Variants in MEX3D observed in about 807,000 individuals in gnomAD.
MEX3D encodes mex-3 RNA binding family member D.
A neutral mutation model predicts 6.3 loss-of-function variants in MEX3D; 4 were observed. The ratio of observed to expected loss-of-function variants is 0.64; its 90% CI spans 0.31 to 1.46. The LOEUF is 1.46. MEX3D is among the 40% of genes most tolerant of loss of function. MEX3D has a pLI of 0.07. For synonymous variants in MEX3D, 626 were observed against 494.1 expected (o/e 1.27, Z -3.54); for missense variants, 1,038 against 994.4 (o/e 1.04, Z -0.59).
chr19:1,558,523 G>A (rs535481460), intron 1 of MEX3D, among the ~76,000 whole-genome samples: 1 of 152,040 alleles, frequency 6.6e-6, no homozygotes, highest in African/African-American at 2.4e-5. Context: ...CCTTGACTTG[G>A]AACTTTTATC....
intron 1 of MEX3D, among the ~76,000 whole-genome samples, chr19:1,561,785 A>G (rs947317988): frequency 1.3e-5 from 2 of 151,984 alleles, no homozygotes; most frequent in African/African-American, 4.8e-5. Context: ...CTGGGACTAC[A>G]GTTATGCACC....
Position 1,567,418 on chromosome 19 carries a change from G to T in MEX3D, c.595+46C>A, listed in dbSNP as rs367556410. 2.0e-5 allele frequency: 30 copies of T among 1,513,578 alleles called. No individual in the cohort carries two copies. Among genetic ancestry groups the T allele is most frequent in the Non-Finnish European group, 2.6e-5 (30 of 1,135,398 alleles). The allele number at this position is 1,513,578 out of a possible 1,614,324, so 93.8% of individuals were successfully genotyped here. On this transcript the variant is annotated intron_variant, in intron 1 of 1. Coordinates refer to ENST00000402693, the MANE Select transcript of MEX3D (RefSeq NM_203304.4). This position sits in a 1 kb window ranked among gnomAD's most constrained non-coding sequence, Gnocchi z 6.5. ...GGCGACCCCCTTCCCCGGGGCGGAC[G>T]GTGCGGGGACCCCCAGGACAGCAAC...
At position 1,556,354 on chromosome 19, in the gene MEX3D, C is replaced by A. The variant is rs764240676; in HGVS notation, c.1165G>T (p.Gly389Cys). Residue 389 changes from glycine (G) to cysteine (C), a missense_variant, in exon 2 of 2, where the codon GGC becomes TGC. Physicochemically the swap from Gly to Cys is radical, Grantham distance 159. Transcript: ENST00000402693. This position sits in a 1 kb window ranked among gnomAD's most constrained non-coding sequence, Gnocchi z 7.5. ...CCCAGGGCCGTGTCCCCGCGGAGGC[C>A]GGCCGTGGCCGTGGGGGGCCGTCGT... ...QGRRPPTATA[G>C]LRGDTALGAP... 1.2e-5 allele frequency: 18 copies of A among 1,441,376 alleles called. No individual in the cohort carries two copies. Among genetic ancestry groups the A allele is most frequent in the Non-Finnish European group, 1.5e-5 (17 of 1,107,614 alleles). 89.3% of individuals were successfully genotyped at this position (1,441,376 alleles called of 1,614,324 possible).
At chr19:1,561,477 G>C (rs1372352026) in intron 1 of MEX3D, among the ~76,000 whole-genome samples, 2 of 152,200 alleles carry the variant, frequency 1.3e-5, no homozygotes, top group African/African-American at 4.8e-5. Context: ...GGAAGCCAGC[G>C]GGAGCTGAGG....
At position 1,567,905 on chromosome 19, in the gene MEX3D, G is replaced by A. The variant is rs1335837560; in HGVS notation, c.154C>T (p.Pro52Ser). 10 of 980,228 alleles carry A rather than the reference G, an allele frequency of 1.0e-5. No individual in the cohort carries two copies. Among genetic ancestry groups the A allele is most frequent in the East Asian group, 1.2e-4 (1 of 8,640 alleles). The allele number at this position is 980,228 out of a possible 1,614,324, so 60.7% of individuals were successfully genotyped here. A position where few individuals can be genotyped will look rare whatever the true frequency, so the allele number is the denominator to read the frequency against. ...AAPAPRPPPE[P>S]DDAAAALRLA... ...CGGAGCGCGGCGGCCGCGTCGTCGG[G>A]TTCGGGCGGCGGCCGGGGCGCGGGC... The change falls in exon 1 of 2, where the codon CCC (proline) becomes TCC (serine). Residue 52 changes from proline to serine, a missense_variant. By Grantham distance (74) the Pro-to-Ser change is moderately conservative. Around this residue, in one of 5 missense-constraint regions of MEX3D, gnomAD observed 265 missense variants for 206.3 expected, o/e 1.28. Coordinates refer to ENST00000402693, the MANE Select transcript of MEX3D (RefSeq NM_203304.4). This position sits in a 1 kb window ranked among gnomAD's most constrained non-coding sequence, Gnocchi z 6.5.
intron 1 of MEX3D, among the ~76,000 whole-genome samples, chr19:1,562,689 C>A (rs560034972): frequency 1.3e-5 from 2 of 151,962 alleles, no homozygotes; most frequent in South Asian, 4.2e-4. Flanking sequence ...CAGAACCAGA[C>A]CCTGTCTCAA....
Position 1,555,422 on chromosome 19 carries a change from CTG to C in MEX3D, c.*139_*140del, listed in dbSNP as rs1568262943. On this transcript the variant is annotated 3_prime_UTR_variant, in exon 2 of 2. Coordinates refer to ENST00000402693, the MANE Select transcript of MEX3D (RefSeq NM_203304.4). ...GGCAGTTAAAGCTCATCTGTAAACA[CTG>C]GCCGCCGCCCACCCCCCTGCCCCCT... 6.3e-7 allele frequency: 1 copy of C among 1,582,542 alleles called. No individual in the cohort carries two copies. Among genetic ancestry groups the C allele is most frequent in the Non-Finnish European group, 8.6e-7 (1 of 1,166,722 alleles).
intron 1 of MEX3D, among the ~76,000 whole-genome samples, chr19:1,565,825 G>C (rs1444217114): frequency 1.3e-5 from 2 of 152,182 alleles, no homozygotes; most frequent in Admixed American, 6.5e-5. Flanking sequence ...CCTGCCCCTA[G>C]AGAATTCCCA....
At position 1,554,690 on chromosome 19, in the gene MEX3D, C is replaced by T. The variant is rs917319321; in HGVS notation, c.*873G>A. 1 of 152,384 alleles carries T rather than the reference C, an allele frequency of 6.6e-6. No homozygotes were observed. Among genetic ancestry groups the T allele is most frequent in the Non-Finnish European group, 1.5e-5 (1 of 68,036 alleles). The allele number at this position is 152,384 out of a possible 1,614,324, so 9.4% of individuals were successfully genotyped here. A position where few individuals can be genotyped will look rare whatever the true frequency, so the allele number is the denominator to read the frequency against. ...CGTGTGCTCACATGTAGAAAAGAGG[C>T]TTTATTAAGAAGGCTTTGAAGTCAA... On this transcript the variant is annotated 3_prime_UTR_variant, in exon 2 of 2. Transcript: ENST00000402693.
At position 1,556,392 on chromosome 19, in the gene MEX3D, G is replaced by A. The variant is rs778810157; in HGVS notation, c.1127C>T (p.Thr376Ile). 1.6e-4 allele frequency: 246 copies of A among 1,557,942 alleles called. No homozygotes were observed. The highest frequency in any genetic ancestry group is 2.0e-4 in the Non-Finnish European group (233 of 1,159,442). Residue 376 changes from threonine to isoleucine, a missense_variant, in exon 2 of 2, where the codon ACC becomes ATC. Around this residue, in one of 5 missense-constraint regions of MEX3D, gnomAD observed 581 missense variants for 516.2 expected, o/e 1.13. Coordinates refer to ENST00000402693, the MANE Select transcript of MEX3D (RefSeq NM_203304.4). The surrounding 1 kb of genome is among the most constrained non-coding windows in gnomAD (Gnocchi z 7.5). Reference sequence around the variant, plus strand: ...GGGGGGCCGTCGTCCCTGGTTGGGGGTCTTGGCCCAGAGGCTGGCGGCCGC... The same window carrying A: ...GGGGGGCCGTCGTCCCTGGTTGGGGATCTTGGCCCAGAGGCTGGCGGCCGC... ...LGAAASLWAK[T>I]PNQGRRPPTA...
At chr19:1,557,638 A>G (rs997651073) in intron 1 of MEX3D, among the ~76,000 whole-genome samples, 9 of 149,246 alleles carry the variant, frequency 6.0e-5, no homozygotes, top group African/African-American at 2.2e-4. Context: ...AGTTGGGTGG[A>G]TCACGAGGTC....
In MEX3D at chr19:1,555,373, G is replaced by A. The variant is rs1196159638; in HGVS notation, c.*190C>T. The A allele has an allele frequency of 1.2e-6, 2 of 1,600,118 alleles. No homozygotes were observed. Among genetic ancestry groups the A allele is most frequent in the Non-Finnish European group, 1.7e-6 (2 of 1,172,634 alleles). ...GGGCTGAGGCGCCGCCGGGCTGCGG[G>A]GTCTCCGTCTCCACGCCTGAGGCGG... On this transcript the variant is annotated 3_prime_UTR_variant, in exon 2 of 2. Coordinates refer to ENST00000402693, the MANE Select transcript of MEX3D (RefSeq NM_203304.4).
Position 1,556,320 on chromosome 19 carries a change from C to G in MEX3D, c.1199G>C (p.Ser400Thr), listed in dbSNP as rs1333837486. 2.3e-6 allele frequency: 3 copies of G among 1,331,676 alleles called. No individual in the cohort carries two copies. The highest frequency in any genetic ancestry group is 2.9e-6 in the Non-Finnish European group (3 of 1,046,776). 82.5% of individuals were successfully genotyped at this position (1,331,676 alleles called of 1,614,324 possible). The change falls in exon 2 of 2, where the codon AGC becomes ACC. Residue 400 changes from serine (S) to threonine (T), a missense_variant. Ser to Thr is a moderately conservative substitution (Grantham distance 58). This residue lies in a region of MEX3D where 581 missense variants were observed against 516.2 expected (regional missense o/e 1.13). Coordinates refer to ENST00000402693, the MANE Select transcript of MEX3D (RefSeq NM_203304.4). The surrounding 1 kb of genome is among the most constrained non-coding windows in gnomAD (Gnocchi z 7.5). ...GCCCGCGTAGAAGGCCTCGGGGGCGCTGGGGGCGCCCAGGGCCGTGTCCCC... is the reference window on the plus strand; with the variant it reads ...GCCCGCGTAGAAGGCCTCGGGGGCGGTGGGGGCGCCCAGGGCCGTGTCCCC... ...LRGDTALGAP[S>T]APEAFYAGSR...
In MEX3D at chr19:1,554,698, A is replaced by G. The variant is rs1914461101; in HGVS notation, c.*865T>C. On this transcript the variant is annotated 3_prime_UTR_variant, in exon 2 of 2. Transcript: ENST00000402693. ...CACATGTAGAAAAGAGGCTTTATTAAGAAGGCTTTGAAGTCAAAAAATAAA... is the reference window on the plus strand; with the variant it reads ...CACATGTAGAAAAGAGGCTTTATTAGGAAGGCTTTGAAGTCAAAAAATAAA... 6.6e-6 allele frequency: 1 copy of G among 152,444 alleles called. No individual in the cohort carries two copies. The highest frequency in any genetic ancestry group is 2.4e-5 in the African/African-American group (1 of 41,462). The allele number at this position is 152,444 out of a possible 1,614,324, so 9.4% of individuals were successfully genotyped here. A position where few individuals can be genotyped will look rare whatever the true frequency, so the allele number is the denominator to read the frequency against.
chr19:1,556,545 T>G lies in MEX3D; in HGVS notation c.974A>C (p.Glu325Ala). ...EPVFAVTGMP[E>A]NVDRAREEIE... Reference sequence around the variant, plus strand: ...CTCCTCGCGCGCGCGGTCCACGTTCTCGGGCATCCCAGTGACCGCGAACAC... The same window carrying G: ...CTCCTCGCGCGCGCGGTCCACGTTCGCGGGCATCCCAGTGACCGCGAACAC... Residue 325 changes from glutamate (E) to alanine (A), a missense_variant, in exon 2 of 2, where the codon GAG becomes GCG. Physicochemically the swap from Glu to Ala is moderately radical, Grantham distance 107. Transcript: ENST00000402693. This position sits in a 1 kb window ranked among gnomAD's most constrained non-coding sequence, Gnocchi z 7.5. The G allele has an allele frequency of 6.2e-7, 1 of 1,607,886 alleles. No individual in the cohort carries two copies. Among genetic ancestry groups the G allele is most frequent in the East Asian group, 2.2e-5 (1 of 44,730 alleles).
intron 1 of MEX3D, among the ~76,000 whole-genome samples, chr19:1,560,289 A>C (rs1210912370): frequency 1.3e-5 from 2 of 152,204 alleles, no homozygotes; most frequent in Non-Finnish European, 2.9e-5. Context: ...GAGGAAGGGA[A>C]ACTGAGGCAC....
Position 1,555,279 on chromosome 19 carries a change from TA to T in MEX3D, c.*283del. 5.9e-6 allele frequency: 9 copies of T among 1,536,516 alleles called. No homozygotes were observed. Among genetic ancestry groups the T allele is most frequent in the Admixed American group, 3.6e-5 (2 of 55,248 alleles). On this transcript the variant is annotated 3_prime_UTR_variant, in exon 2 of 2. Transcript: ENST00000402693. ...GAGGGGTGTCTAAAAATAAGAAAAC[TA>T]AAAAAAGTGCAAGCGGACCTTTTCT...
chr19:1,557,014 G>A, intron 1 of MEX3D, 91 bp from the exon 2 acceptor site: 4 of 1,442,366 alleles, frequency 2.8e-6, no homozygotes, highest in Non-Finnish European at 3.7e-6. Flanking sequence ...GCCAGTGAGG[G>A]AGCCCCTACC....
At chr19:1,560,902 C>T (rs1303586309) in intron 1 of MEX3D, among the ~76,000 whole-genome samples, 1 of 152,202 alleles carries the variant, frequency 6.6e-6, no homozygotes, top group Non-Finnish European at 1.5e-5. Flanking sequence ...TGATCCCAGC[C>T]CACCCCTGCC....
Sources: gnomAD v4.1 joint callset for allele counts (sites outside exome capture counted in the v4.1 genomes callset) on GRCh38, gnomAD v4.1.1 for gene constraint, gnomAD v4.1.1 regional missense constraint, Gnocchi (gnomAD v3.1) non-coding constraint, MANE v1.5 for transcripts, NCBI Gene and HGNC (gene_info 2026-07-23, HGNC 2026-07-21) for gene names.